Variants in CTBP1 observed in about 807,000 individuals in gnomAD.
The protein encoded by CTBP1 is C-terminal-binding protein 1.
CTBP1 carries 11 observed loss-of-function variants against 42.1 expected under a neutral mutation model. That is an observed-to-expected ratio of 0.26 (90% CI 0.16 to 0.43). The LOEUF is 0.43. Ranked by LOEUF, CTBP1 falls within the 20% of genes least tolerant of loss-of-function variation. The probability of loss-of-function intolerance (pLI) is 1.00; values close to 1 mark genes in which losing one functional copy is unlikely to be tolerated. For missense variants in CTBP1, 399 were observed against 624.3 expected (o/e 0.64, Z 3.85); for synonymous variants, 324 against 277.1 (o/e 1.17, Z -1.68).
chr4:1,229,253 G>A (rs1730712273), intron 3 of CTBP1, among the ~76,000 whole-genome samples: 1 of 152,322 alleles, frequency 6.6e-6, no homozygotes, highest in East Asian at 1.9e-4. Flanking sequence ...CTGGGCACAG[G>A]GTGGGGATGT....
intron 2 of CTBP1, among the ~76,000 whole-genome samples, chr4:1,239,531 G>A (rs576820177): frequency 1.5e-3 from 221 of 152,356 alleles, no homozygotes; most frequent in African/African-American, 4.9e-3. Context: ...CCGCCTGCAG[G>A]TGAGCAGAGG....
At position 1,242,870 on chromosome 4, in the gene CTBP1, G is replaced by A. The variant is rs564525260; in HGVS notation, c.-188-1351C>T. Reference sequence around the variant, plus strand: ...ACCCACGAGCCAGCCTGGCCAGGGGGCAAGGCACCGCGCCACCCACGCCCA... The same window carrying A: ...ACCCACGAGCCAGCCTGGCCAGGGGACAAGGCACCGCGCCACCCACGCCCA... On this transcript the variant is annotated intron_variant, in intron 1 of 9. Coordinates refer to ENST00000382952, the MANE Select transcript of CTBP1 (RefSeq NM_001012614.2). The A allele has an allele frequency of 7.1e-6, 7 of 985,378 alleles. No individual in the cohort carries two copies. The South Asian group carries it at 2.8e-4, about 40-fold the overall frequency. The allele number at this position is 985,378 out of a possible 1,614,324, so 61.0% of individuals were successfully genotyped here.
intron 5 of CTBP1, among the ~76,000 whole-genome samples, chr4:1,225,066 C>T (rs1300722151): frequency 6.6e-6 from 1 of 151,352 alleles, no homozygotes; most frequent in East Asian, 1.9e-4. Context: ...CTGCATGTGC[C>T]CATGAGACCC....
intron 3 of CTBP1, among the ~76,000 whole-genome samples, chr4:1,230,196 C>T (rs1190283023): frequency 6.6e-6 from 1 of 151,698 alleles, no homozygotes; most frequent in East Asian, 2.0e-4. Context: ...GTGTACCACA[C>T]TTGACCAGAC....
chr4:1,214,164 G>T, intron 7 of CTBP1, 179 bp downstream of exon 7: 1 of 776,442 alleles, frequency 1.3e-6, no homozygotes, highest in Non-Finnish European at 1.9e-6. Context: ...GGCAAGGCAG[G>T]CCTAGAGCCC....
At position 1,241,428 on chromosome 4, in the gene CTBP1, C is replaced by G; in HGVS notation, c.-97G>C. On this transcript the variant is annotated 5_prime_UTR_variant, in exon 2 of 10. Coordinates refer to ENST00000382952, the MANE Select transcript of CTBP1 (RefSeq NM_001012614.2). ...GGCAGAACCGCGTCCTGTCTCGGAG[C>G]CTCATCCCACGTCCTTAATTGTCTC... The G allele has an allele frequency of 2.0e-6, 3 of 1,486,170 alleles. No individual in the cohort carries two copies. Among genetic ancestry groups the G allele is most frequent in the Non-Finnish European group, 2.8e-6 (3 of 1,063,852 alleles). 92.1% of individuals were successfully genotyped at this position (1,486,170 alleles called of 1,614,324 possible).
chr4:1,237,984 C>A (rs1490214638), intron 3 of CTBP1, 199 bp downstream of exon 3: 32 of 756,172 alleles, frequency 4.2e-5, no homozygotes, highest in African/African-American at 1.0e-4. Flanking sequence ...GGGCTCAGGG[C>A]AAACCCGATG....
intron 1 of CTBP1, 190 bp downstream of exon 1, chr4:1,248,726 C>T: frequency 1.0e-6 from 1 of 981,518 alleles, no homozygotes; most frequent in Non-Finnish European, 1.2e-6. Context: ...CCCGCGCATG[C>T]GCAAGACCCT....
chr4:1,237,025 T>C (rs1358265157), intron 3 of CTBP1: 1 of 661,446 alleles, frequency 1.5e-6, no homozygotes, highest in African/African-American at 1.9e-5. Flanking sequence ...GCAAACCCAG[T>C]GTCCACCTCC....
rs920733784 is a variant in CTBP1, at chr4:1,211,567, G to T, written c.*673C>A. The T allele has an allele frequency of 6.6e-6, 1 of 152,424 alleles. No homozygotes were observed. Among genetic ancestry groups the T allele is most frequent in the African/African-American group, 2.4e-5 (1 of 41,438 alleles). 9.4% of individuals were successfully genotyped at this position (152,424 alleles called of 1,614,324 possible). A position where few individuals can be genotyped will look rare whatever the true frequency, so the allele number is the denominator to read the frequency against. On this transcript the variant is annotated 3_prime_UTR_variant, in exon 10 of 10. Coordinates refer to ENST00000382952, the MANE Select transcript of CTBP1 (RefSeq NM_001012614.2). The stretch of plus-strand genomic sequence containing the variant: ...CAGCAGGACGGCACTGGTGCAGGCG[G>T]GGACGCTGCCACCCTCCACGTCCCC...
Position 1,232,554 on chromosome 4 carries a change from C to T in CTBP1, c.163-4211G>A, listed in dbSNP as rs141214540. On this transcript the variant is annotated intron_variant, in intron 3 of 9. Transcript: ENST00000382952. ...CTTGAACTCCTGACCTCAAGTGATC[C>T]ACCCGCCTCAGCCTCCTAAAGTGCT... Among the ~76,000 whole-genome samples the T allele has an allele frequency of 6.9e-3, 1,044 of 152,268 alleles. 24 individuals are homozygous for T. Among genetic ancestry groups the T allele is most frequent in the African/African-American group, 0.024 (978 of 41,544 alleles).
chr4:1,217,430 C>CG (rs1358144670), intron 5 of CTBP1: 1 of 152,314 alleles, frequency 6.6e-6, no homozygotes, highest in Non-Finnish European at 1.5e-5. Context: ...CCGGAGTACC[C>CG]GGGCAGCTCC....
chr4:1,248,694 G>A (rs1373380411), intron 1 of CTBP1: 4 of 982,252 alleles, frequency 4.1e-6, no homozygotes, highest in Non-Finnish European at 4.8e-6. Context: ...AGCAGACTGC[G>A]GCGCTCGCGC....
At chr4:1,244,579 C>G in intron 1 of CTBP1, 2 of 985,148 alleles carry the variant, frequency 2.0e-6, no homozygotes, top group Non-Finnish European at 2.4e-6. Context: ...GTCCCAAAAG[C>G]TCCTCCTCAC....
chr4:1,232,102 G>A (rs1317749868), intron 3 of CTBP1, among the ~76,000 whole-genome samples: 1 of 152,314 alleles, frequency 6.6e-6, no homozygotes, highest in East Asian at 1.9e-4. Context: ...GGACTGCAGT[G>A]GTGTAATCAT....
intron 3 of CTBP1, among the ~76,000 whole-genome samples, chr4:1,230,050 G>A (rs1273098428): frequency 1.3e-5 from 2 of 152,214 alleles, no homozygotes; most frequent in Non-Finnish European, 2.9e-5. Context: ...TCAGTTCATG[G>A]ACAGGGCTGA....
chr4:1,223,321 T>A, intron 5 of CTBP1: 1 of 404,546 alleles, frequency 2.5e-6, no homozygotes, highest in Non-Finnish European at 5.0e-6. Context: ...CAGCCAGCCC[T>A]GGGGTCCTGG....
intron 1 of CTBP1, chr4:1,244,789 A>G: frequency 3.0e-6 from 3 of 985,360 alleles, no homozygotes; most frequent in Non-Finnish European, 3.6e-6. Context: ...CCCGGCAGCC[A>G]TCTGGGCATT....
chr4:1,229,893 C>T (rs945278289), intron 3 of CTBP1, among the ~76,000 whole-genome samples: 1 of 152,228 alleles, frequency 6.6e-6, no homozygotes, highest in African/African-American at 2.4e-5. Flanking sequence ...CAGACCAGGG[C>T]CACAGCAGAG....
Sources: allele counts gnomAD v4.1 joint callset (sites outside exome capture counted in the v4.1 genomes callset), GRCh38; gene constraint gnomAD v4.1.1; transcripts MANE v1.5; gene names NCBI Gene and HGNC (gene_info 2026-07-23, HGNC 2026-07-21).